Variants in CREB5 observed in about 807,000 individuals in gnomAD.
CREB5 encodes the protein cAMP responsive element binding protein 5.
CREB5 carries 19 observed loss-of-function variants against 57.1 expected under a neutral mutation model. That is an observed-to-expected ratio of 0.33 (90% CI 0.23 to 0.49). CREB5 has a LOEUF of 0.49. Ranked by LOEUF, CREB5 falls within the 20% of genes least tolerant of loss-of-function variation. The pLI is 0.99. For synonymous variants in CREB5, 238 were observed against 238.3 expected (o/e 1.00, Z 0.01); for missense variants, 579 against 671.6 (o/e 0.86, Z 1.52).
chr7:28,558,838 A>G (rs1002506321), intron 4 of CREB5, among the ~76,000 whole-genome samples: 29 of 152,326 alleles, frequency 1.9e-4, no homozygotes, highest in Middle Eastern at 3.4e-3. Context: ...ACCCTTCAGC[A>G]TCCTTGTGGT....
intron 1 of CREB5, among the ~76,000 whole-genome samples, chr7:28,377,603 CT>C (rs1738892290): frequency 6.6e-6 from 1 of 151,866 alleles, no homozygotes; most frequent in South Asian, 2.1e-4. Context: ...TTCTCAGGTT[CT>C]TTTCAATGTT....
intron 1 of CREB5, among the ~76,000 whole-genome samples, chr7:28,324,239 G>C (rs1360135772): frequency 6.6e-6 from 1 of 152,032 alleles, no homozygotes; most frequent in Non-Finnish European, 1.5e-5. Context: ...TATCCTTCTA[G>C]CTTCTGCTCC....
intron 1 of CREB5, among the ~76,000 whole-genome samples, chr7:28,318,603 G>C (rs576883668): frequency 6.6e-6 from 1 of 152,156 alleles, no homozygotes. Context: ...TCTCAGGGTT[G>C]CCTGAGACAG....
intron 5 of CREB5, among the ~76,000 whole-genome samples, chr7:28,653,619 C>T (rs1029307752): frequency 2.0e-5 from 3 of 152,146 alleles, no homozygotes; most frequent in Non-Finnish European, 4.4e-5. Flanking sequence ...GAGAATGAAT[C>T]CATAGGCATT....
At position 28,818,093 on chromosome 7, in the gene CREB5, A is replaced by T; in HGVS notation, c.1277A>T (p.Asn426Ile). ...TAGAATGAAGTGTCTATGTTGAAAA[A>T]TGAGGTGGCCCAGCTGAAACAGTTG... ...QLQNEVSMLK[N>I]EVAQLKQLLL... is the part of the protein sequence containing the mutation. Residue 426 changes from asparagine to isoleucine, a missense_variant, in exon 10 of 11, where the codon AAT (asparagine) becomes ATT (isoleucine). This residue lies in a region of CREB5 where 114 missense variants were observed against 130.8 expected (regional missense o/e 0.87). Coordinates refer to ENST00000357727, the MANE Select transcript of CREB5 (RefSeq NM_182898.4). 6.2e-7 allele frequency: 1 copy of T among 1,613,676 alleles called. No individual in the cohort carries two copies. Among genetic ancestry groups the T allele is most frequent in the Admixed American group, 1.7e-5 (1 of 59,964 alleles).
At chr7:28,416,992 T>C (rs1788054171) in intron 1 of CREB5, among the ~76,000 whole-genome samples, 1 of 152,202 alleles carries the variant, frequency 6.6e-6, no homozygotes, top group African/African-American at 2.4e-5. Context: ...TGAAATTAGA[T>C]TGATGGCATA....
rs1008457413 is a variant in CREB5 at position 28,757,671 on chromosome 7, C to CAAAA, written c.702+33351_702+33354dup. Among the ~76,000 whole-genome samples, 5 of 97,276 alleles carry CAAAA rather than the reference C, an allele frequency of 5.1e-5. 1 individual carries two copies. Among genetic ancestry groups the CAAAA allele is most frequent in the Admixed American group, 4.5e-4 (4 of 8,894 alleles). 63.8% of individuals were successfully genotyped at this position (97,276 alleles called of 152,430 possible). On this transcript the variant is annotated intron_variant, in intron 7 of 10. Transcript: ENST00000357727. ...TGGGTGACAGAGCAAGACTCCGTCTCAAAAAAAAAAAAAAAGAAGTAATAG... is the reference window on the plus strand; with the variant it reads ...TGGGTGACAGAGCAAGACTCCGTCTCAAAAAAAAAAAAAAAAAAAGAAGTAATAG...
chr7:28,441,694 T>C (rs1171730072), intron 1 of CREB5, among the ~76,000 whole-genome samples: 2 of 152,206 alleles, frequency 1.3e-5, no homozygotes, highest in Non-Finnish European at 2.9e-5. Context: ...TAGCACCAGG[T>C]GAACTGGAGC....
intron 3 of CREB5, among the ~76,000 whole-genome samples, chr7:28,503,581 C>T (rs1346809448): frequency 6.6e-6 from 1 of 151,996 alleles, no homozygotes; most frequent in Admixed American, 6.6e-5. Flanking sequence ...AACAGTCATC[C>T]TAGCAGCCTC....
chr7:28,436,598 C>T (rs924688855), intron 1 of CREB5, among the ~76,000 whole-genome samples: 1 of 152,120 alleles, frequency 6.6e-6, no homozygotes, highest in Non-Finnish European at 1.5e-5. Context: ...AAGATTCTGA[C>T]ACTTATGATG....
rs566022125 is a variant in CREB5, at chr7:28,793,168, A to G, written c.703-11031A>G. ...TCGGTGGTGAGTACTGGGAGCCCCCACACTTTGAGGTCTCAGGCAGGGGTG... is the reference window on the plus strand; with the variant it reads ...TCGGTGGTGAGTACTGGGAGCCCCCGCACTTTGAGGTCTCAGGCAGGGGTG... On this transcript the variant is annotated intron_variant, in intron 7 of 10. Coordinates refer to ENST00000357727, the MANE Select transcript of CREB5 (RefSeq NM_182898.4). Among the ~76,000 whole-genome samples, 4 of 152,106 alleles carry G rather than the reference A, an allele frequency of 2.6e-5. No homozygotes were observed. In the South Asian group the frequency reaches 6.2e-4, roughly 24 times the overall value.
intron 1 of CREB5, among the ~76,000 whole-genome samples, chr7:28,476,395 A>G (rs1331114070): frequency 6.6e-6 from 1 of 152,204 alleles, no homozygotes. Context: ...AGTTGATTGT[A>G]CTATAAAAAC....
intron 7 of CREB5, among the ~76,000 whole-genome samples, chr7:28,735,802 CCTCT>C (rs893829416): frequency 6.6e-6 from 1 of 151,014 alleles, no homozygotes; most frequent in Non-Finnish European, 1.5e-5. Flanking sequence ...CTGTGTGCTT[CCTCT>C]CTCTCTCTTT....
intron 5 of CREB5, among the ~76,000 whole-genome samples, chr7:28,588,058 A>T (rs1479186604): frequency 6.6e-6 from 1 of 152,180 alleles, no homozygotes; most frequent in Non-Finnish European, 1.5e-5. Context: ...CTTGACACAA[A>T]GGGATAATTC....
At chr7:28,655,552 C>T (rs1799302474) in intron 5 of CREB5, among the ~76,000 whole-genome samples, 1 of 152,158 alleles carries the variant, frequency 6.6e-6, no homozygotes, top group African/African-American at 2.4e-5. Flanking sequence ...GAGGTCAAGG[C>T]TGCTGTGAGC....
chr7:28,529,840 C>G (rs1055357765), intron 4 of CREB5, among the ~76,000 whole-genome samples: 2 of 152,186 alleles, frequency 1.3e-5, no homozygotes, highest in Non-Finnish European at 2.9e-5. Flanking sequence ...TTTGCTTTAC[C>G]TTTCTATACG....
chr7:28,552,226 C>T (rs928360790), intron 4 of CREB5, among the ~76,000 whole-genome samples: 1 of 152,060 alleles, frequency 6.6e-6, no homozygotes, highest in African/African-American at 2.4e-5. Flanking sequence ...TTTGTAGAGA[C>T]GGGGTTTTGC....
At chr7:28,628,209 G>C (rs955797091) in intron 5 of CREB5, among the ~76,000 whole-genome samples, 6 of 151,732 alleles carry the variant, frequency 4.0e-5, no homozygotes, top group African/African-American at 1.5e-4. Flanking sequence ...AGGGTCTCGA[G>C]ACCCTAAAGA....
chr7:28,797,238 A>G (rs984768533), intron 7 of CREB5, among the ~76,000 whole-genome samples: 5 of 152,272 alleles, frequency 3.3e-5, no homozygotes, highest in Non-Finnish European at 7.4e-5. Flanking sequence ...CTTACATTAG[A>G]TCCGCTGAAG....
Sources: gnomAD v4.1 joint callset for allele counts (sites outside exome capture counted in the v4.1 genomes callset) on GRCh38, gnomAD v4.1.1 for gene constraint, gnomAD v4.1.1 regional missense constraint, MANE v1.5 for transcripts, NCBI Gene and HGNC (gene_info 2026-07-23, HGNC 2026-07-21) for gene names.